Variants in ERAP1 observed in about 807,000 individuals in gnomAD.
ERAP1 encodes the protein adipocyte-derived leucine aminopeptidase.
A neutral mutation model predicts 103.7 loss-of-function variants in ERAP1; 86 were observed. That is an observed-to-expected ratio of 0.83 (90% CI 0.70 to 0.99). The LOEUF (loss-of-function observed/expected upper bound fraction) is 0.99, where lower values mean the gene tolerates loss of function less well. ERAP1 is among the 50% of genes least tolerant of loss of function. The pLI is 0.00. For missense variants in ERAP1, 1,009 were observed against 1,128.4 expected (o/e 0.89, Z 1.52); for synonymous variants, 398 against 402.4 (o/e 0.99, Z 0.13).
chr5:96,917,632 C>T, the ERAP1 span: 86 of 1,586,180 alleles, frequency 5.4e-5, no homozygotes, highest in Admixed American at 1.0e-4. Context: ...GTAGGCTGGG[C>T]GCGGTGGCTC....
the ERAP1 span, among the ~76,000 whole-genome samples, chr5:96,925,646 C>T: frequency 2.6e-5 from 4 of 152,162 alleles, no homozygotes; most frequent in Admixed American, 1.3e-4. Context: ...TTAACAAGCT[C>T]CTTCAAGAAA....
At chr5:96,761,837 A>G (rs1768064143) in exon 20 of ERAP1, 1 of 154,646 alleles carries the variant, frequency 6.5e-6, no homozygotes, top group African/African-American at 2.4e-5. Flanking sequence ...CCATGGGAAA[A>G]CAGGCATGCT....
chr5:96,853,847 T>A, the ERAP1 span, among the ~76,000 whole-genome samples: 1 of 84,368 alleles, frequency 1.2e-5, no homozygotes, highest in African/African-American at 3.7e-5. Context: ...TATTTAAAAG[T>A]TCTAAAAAAA....
At chr5:96,778,911 G>A (rs1041092854) in intron 18 of ERAP1, among the ~76,000 whole-genome samples, 4 of 152,170 alleles carry the variant, frequency 2.6e-5, no homozygotes, top group African/African-American at 7.2e-5. Context: ...TATTTTATAT[G>A]TCCGTAGTTT....
At chr5:96,818,153 G>C in the ERAP1 span, among the ~76,000 whole-genome samples, 1 of 152,210 alleles carries the variant, frequency 6.6e-6, no homozygotes, top group Non-Finnish European at 1.5e-5. Flanking sequence ...ACTTGGGAGT[G>C]AGATGAATAT....
chr5:96,890,109 T>C, the ERAP1 span, among the ~76,000 whole-genome samples: 1 of 152,190 alleles, frequency 6.6e-6, no homozygotes, highest in Non-Finnish European at 1.5e-5. Flanking sequence ...ATGATACTCA[T>C]AGTCTATCTT....
intron 15 of ERAP1, among the ~76,000 whole-genome samples, 153 bp from the exon 16 acceptor site, chr5:96,782,007 AATTTT>A (rs201037722): frequency 0.11 from 13,598 of 118,702 alleles, 804 homozygotes; most frequent in Middle Eastern, 0.2. Context: ...CTTCAGTTAC[AATTTT>A]TTTTTTTTTT....
At chr5:96,808,227 T>TGC, upstream of ERAP1, 1 of 659,128 alleles carries the variant, frequency 1.5e-6, no homozygotes, top group Non-Finnish European at 1.9e-6. Flanking sequence ...TGTGTGTGTG[T>TGC]GTGTGTGTGT....
At chr5:96,883,192 C>T in the ERAP1 span, among the ~76,000 whole-genome samples, 216 of 152,270 alleles carry the variant, frequency 1.4e-3, no homozygotes, top group Non-Finnish European at 2.4e-3. Flanking sequence ...TAGTTTGCAT[C>T]CCAGAGCTCC....
the ERAP1 span, chr5:96,912,605 C>A: frequency 6.4e-7 from 1 of 1,563,032 alleles, no homozygotes. Flanking sequence ...TTTCATAAAA[C>A]TTTTTCTTCA....
chr5:96,907,572 G>GAT, the ERAP1 span, among the ~76,000 whole-genome samples: 1 of 90,616 alleles, frequency 1.1e-5, no homozygotes, highest in South Asian at 4.5e-4. Flanking sequence ...ACATTTTGTG[G>GAT]ATTTTTTTTT....
Position 96,793,395 on chromosome 5 carries a change from C to T in ERAP1, c.1188+5G>A. On this transcript the variant is annotated splice_donor_5th_base_variant and intron_variant, in intron 7 of 18. Coordinates refer to ENST00000443439, the MANE Select transcript of ERAP1 (RefSeq NM_001040458.3). ...CTCAAATGTGAAGGATAAATAACTA[C>T]TTACAACTTTCAGTTCAGGATGGGT... 1 of 1,603,966 alleles carries T rather than the reference C, an allele frequency of 6.2e-7. No individual in the cohort carries two copies. The highest frequency in any genetic ancestry group is 1.7e-5 in the Admixed American group (1 of 59,974).
chr5:96,917,381 G>C, the ERAP1 span: 1 of 1,403,710 alleles, frequency 7.1e-7, no homozygotes, highest in Non-Finnish European at 9.7e-7. Flanking sequence ...TTGGCCTCCC[G>C]AAGTGCTGGG....
At chr5:96,805,223 A>C (rs1425583104) in intron 1 of ERAP1, among the ~76,000 whole-genome samples, 21 of 152,006 alleles carry the variant, frequency 1.4e-4, no homozygotes, top group Admixed American at 1.4e-3. Context: ...GCTGCATATT[A>C]ATGTAACCTG....
chr5:96,856,365 T>TATATATATAGAGAGAGAGAG, the ERAP1 span, among the ~76,000 whole-genome samples: 78 of 20,340 alleles, frequency 3.8e-3, 1 homozygote, highest in Non-Finnish European at 5.0e-3. Context: ...TATATATATA[T>TATATATATAGAGAGAGAGAG]AGAGAGAGAG....
chr5:96,780,408 A>AT lies in ERAP1; in HGVS notation c.2670+14dup, dbSNP rs34765952. 302,393 of 1,366,050 alleles carry AT rather than the reference A, an allele frequency of 0.22. 9,933 individuals carry two copies. The highest frequency in any genetic ancestry group is 0.31 in the African/African-American group (20,865 of 67,282). 84.6% of individuals were successfully genotyped at this position (1,366,050 alleles called of 1,614,324 possible). ...TTTATGTTTAAAAATATATATATAG[A>AT]TTTTTTTTTTTTACCTCTTCAAGCC... On this transcript the variant is annotated intron_variant, in intron 18 of 18. Coordinates refer to ENST00000443439, the MANE Select transcript of ERAP1 (RefSeq NM_001040458.3).
At chr5:96,917,181 A>G in the ERAP1 span, among the ~76,000 whole-genome samples, 1 of 152,252 alleles carries the variant, frequency 6.6e-6, no homozygotes. Flanking sequence ...ATCTTGGCTC[A>G]TTGTAACCTC....
At chr5:96,933,211 C>CTTTTTTTTTTTTTTTTTTTT in the ERAP1 span, among the ~76,000 whole-genome samples, 1 of 72,808 alleles carries the variant, frequency 1.4e-5, no homozygotes. Context: ...AAAACCACGT[C>CTTTTTTTTTTTTTTTTTTTT]TTTTTTTTTT....
chr5:96,824,008 G>T, the ERAP1 span, among the ~76,000 whole-genome samples: 3 of 152,162 alleles, frequency 2.0e-5, no homozygotes, highest in African/African-American at 7.2e-5. Context: ...TACACAGTGG[G>T]GATATGCTGG....
Sources: allele counts gnomAD v4.1 joint callset (sites outside exome capture counted in the v4.1 genomes callset), GRCh38; gene constraint gnomAD v4.1.1; transcripts MANE v1.5; gene names NCBI Gene and HGNC (gene_info 2026-07-23, HGNC 2026-07-21).